PGD: variants seen among roughly 807,000 people sequenced by gnomAD.
The protein encoded by PGD is phosphogluconate dehydrogenase.
In PGD, 21 loss-of-function variants were observed where a neutral mutation model predicts 60.4. The observed-to-expected ratio is 0.35, with a 90% CI of 0.25 to 0.50. The LOEUF (loss-of-function observed/expected upper bound fraction) is 0.50. Ranked by LOEUF, PGD falls within the 20% of genes least tolerant of loss-of-function variation. The pLI, the probability that PGD is intolerant of heterozygous loss-of-function variation, is 0.98. For synonymous variants in PGD, 230 were observed against 235.9 expected (o/e 0.97, Z 0.23); for missense variants, 477 against 613.1 (o/e 0.78, Z 2.34).
chr1:10,409,248 T>G (rs1360477497), intron 6 of PGD, among the ~76,000 whole-genome samples: 1 of 152,194 alleles, frequency 6.6e-6, no homozygotes, highest in Non-Finnish European at 1.5e-5. Context: ...CGGGAAGCCC[T>G]CCCTCCTAGG....
At chr1:10,413,397 C>CT (rs1639533313) in intron 8 of PGD, 146 bp downstream of exon 8, 3 of 647,716 alleles carry the variant, frequency 4.6e-6, no homozygotes, top group Admixed American at 2.9e-5. Flanking sequence ...GTTGAAGAAA[C>CT]TGACAGTGTG....
chr1:10,400,977 A>G (rs963701294), intron 3 of PGD, among the ~76,000 whole-genome samples: 1 of 152,122 alleles, frequency 6.6e-6, no homozygotes, highest in African/African-American at 2.4e-5. Context: ...TTATGGTCCC[A>G]GCTACAAGCT....
chr1:10,409,479 G>T (rs1263175291), intron 6 of PGD, among the ~76,000 whole-genome samples: 5 of 152,002 alleles, frequency 3.3e-5, no homozygotes, highest in Admixed American at 3.3e-4. Flanking sequence ...GGGTGTAGTG[G>T]CTCGTGCTTA....
intron 8 of PGD, among the ~76,000 whole-genome samples, chr1:10,415,103 G>A (rs1354051771): frequency 2.7e-5 from 4 of 145,968 alleles, no homozygotes; most frequent in Non-Finnish European, 6.1e-5. Flanking sequence ...AAAAAAAAAA[G>A]AAGCATCTCA....
At chr1:10,415,611 C>T (rs1398000577) in intron 8 of PGD, among the ~76,000 whole-genome samples, 1 of 152,192 alleles carries the variant, frequency 6.6e-6, no homozygotes, top group Non-Finnish European at 1.5e-5. Flanking sequence ...GCTAAGTCAT[C>T]CTGTGTGTGC....
At chr1:10,401,940 G>T (rs991574854) in intron 3 of PGD, among the ~76,000 whole-genome samples, 1 of 151,420 alleles carries the variant, frequency 6.6e-6, no homozygotes, top group African/African-American at 2.4e-5. Flanking sequence ...GCGTGAACCC[G>T]GGAGGCAGAG....
chr1:10,419,975 A>G lies in PGD; in HGVS notation c.*226A>G. On this transcript the variant is annotated 3_prime_UTR_variant, in exon 13 of 13. Transcript: ENST00000270776. The stretch of plus-strand genomic sequence containing the variant: ...TGACCAGGAGCTGCTCATGTGCGTG[A>G]GAGTGGGAACCATCTCCTTGCGGCA... 1.9e-6 allele frequency: 1 copy of G among 539,960 alleles called. No individual in the cohort carries two copies. Among genetic ancestry groups the G allele is most frequent in the Non-Finnish European group, 3.3e-6 (1 of 301,690 alleles). The allele number at this position is 539,960 out of a possible 1,614,324, so 33.4% of individuals were successfully genotyped here.
At chr1:10,399,892 C>A in intron 2 of PGD, 188 bp downstream of exon 2, 1 of 614,768 alleles carries the variant, frequency 1.6e-6, no homozygotes, top group Non-Finnish European at 2.9e-6. Flanking sequence ...CGAACTTAGT[C>A]CTGCGGAGTG....
chr1:10,417,069 G>A lies in PGD; in HGVS notation c.927G>A (p.Lys309=), dbSNP rs774177369. The A allele has an allele frequency of 6.2e-7, 1 of 1,614,082 alleles. No homozygotes were observed. Among genetic ancestry groups the A allele is most frequent in the Non-Finnish European group, 8.5e-7 (1 of 1,179,924 alleles). ...GCAAAAAGCTGAAGGGTCCCCAGAA[G>A]TTCCAGTTTGATGGTGATAAGAAAT... ...QASKKLKGPQ[K]FQFDGDKKSF... is the part of the protein sequence containing the mutation. Residue 309 remains lysine, a synonymous_variant, in exon 9 of 13, where the codon AAG becomes AAA. Coordinates refer to ENST00000270776, the MANE Select transcript of PGD (RefSeq NM_002631.4).
intron 8 of PGD, among the ~76,000 whole-genome samples, chr1:10,413,557 C>G (rs1338054736): frequency 6.6e-6 from 1 of 152,070 alleles, no homozygotes; most frequent in Non-Finnish European, 1.5e-5. Context: ...AGTCAGTGAT[C>G]TAAGATTTTA....
intron 11 of PGD, among the ~76,000 whole-genome samples, 173 bp from the exon 12 acceptor site, chr1:10,419,241 ACTC>A (rs1377376689): frequency 6.7e-6 from 1 of 148,722 alleles, no homozygotes; most frequent in South Asian, 2.1e-4. Context: ...CTGGTCTTGA[ACTC>A]CTGACCTCGT....
chr1:10,415,982 T>C (rs1639589304), intron 8 of PGD, among the ~76,000 whole-genome samples: 1 of 152,110 alleles, frequency 6.6e-6, no homozygotes, highest in South Asian at 2.1e-4. Context: ...AGTCCGTAAA[T>C]GTGACTTATC....
At chr1:10,399,998 A>G (rs2102383670) in intron 2 of PGD, 1 of 529,872 alleles carries the variant, frequency 1.9e-6, no homozygotes, top group Middle Eastern at 5.1e-4. Flanking sequence ...CTGGCTGTGT[A>G]GAGCTCTAAC....
At chr1:10,406,373 G>T (rs890461908) in intron 5 of PGD, among the ~76,000 whole-genome samples, 2 of 150,824 alleles carry the variant, frequency 1.3e-5, no homozygotes, top group East Asian at 3.9e-4. Flanking sequence ...AACATAGCAA[G>T]ACCCTGTTTC....
At chr1:10,401,700 G>A (rs1639318546) in intron 3 of PGD, among the ~76,000 whole-genome samples, 1 of 152,198 alleles carries the variant, frequency 6.6e-6, no homozygotes, top group African/African-American at 2.4e-5. Flanking sequence ...CTGGAGCCTT[G>A]TAGGGGGAAG....
intron 2 of PGD, chr1:10,400,137 G>T: frequency 2.0e-6 from 1 of 489,088 alleles, no homozygotes; most frequent in Non-Finnish European, 3.7e-6. Flanking sequence ...ATTTGATTTT[G>T]AGTCCTAACA....
At chr1:10,413,948 C>CAGG (rs1639549566) in intron 8 of PGD, among the ~76,000 whole-genome samples, 1 of 151,734 alleles carries the variant, frequency 6.6e-6, no homozygotes, top group African/African-American at 2.4e-5. Flanking sequence ...CCCAGCTACT[C>CAGG]AGGAGGTTGA....
In PGD at chr1:10,411,717, A is replaced by G. The variant is rs751413178; in HGVS notation, c.654+165A>G. The stretch of plus-strand genomic sequence containing the variant: ...TAGTAATAGGCCTATACACTATGCT[A>G]GTCAGTCACTAAGCAGAAAGTCCCC... On this transcript the variant is annotated intron_variant, in intron 7 of 12. Coordinates refer to ENST00000270776, the MANE Select transcript of PGD (RefSeq NM_002631.4). 3.3e-5 allele frequency among the ~76,000 whole-genome samples: 5 copies of G among 152,308 alleles called. No homozygotes were observed. In the South Asian group the frequency reaches 1.0e-3, roughly 32 times the overall value.
At chr1:10,412,698 A>G (rs1569986410) in intron 7 of PGD, 1 of 191,818 alleles carries the variant, frequency 5.2e-6, no homozygotes, top group East Asian at 1.3e-4. Context: ...AGAAATAAAT[A>G]TACAATATCA....
Sources: allele counts gnomAD v4.1 joint callset (sites outside exome capture counted in the v4.1 genomes callset), GRCh38; gene constraint gnomAD v4.1.1; transcripts MANE v1.5; gene names NCBI Gene and HGNC (gene_info 2026-07-23, HGNC 2026-07-21).